The following CRHBP variants were observed in gnomAD, a reference collection of about 807,000 sequenced individuals.
CRHBP encodes corticotropin releasing hormone binding protein, also known as corticotropin-releasing hormone-binding protein.
Under a neutral mutation model 34.9 loss-of-function variants are expected in CRHBP, and 19 were observed. The ratio of observed to expected loss-of-function variants is 0.55; its 90% CI spans 0.38 to 0.80. The LOEUF is 0.80. CRHBP is among the 30% of genes least tolerant of loss of function. CRHBP has a pLI of 0.00. For missense variants in CRHBP, 328 were observed against 409.2 expected (o/e 0.80, Z 1.71); for synonymous variants, 154 against 153.4 (o/e 1.00, Z -0.03).
intron 3 of CRHBP, among the ~76,000 whole-genome samples, chr5:76,978,919 A>G (rs2150712607): frequency 6.6e-6 from 1 of 152,372 alleles, no homozygotes; most frequent in South Asian, 2.1e-4. Flanking sequence ...ATCAAACAGC[A>G]TTGCATGCTA....
At chr5:76,978,722 G>GC (rs1407963990) in intron 3 of CRHBP, among the ~76,000 whole-genome samples, 3 of 152,290 alleles carry the variant, frequency 2.0e-5, no homozygotes, top group African/African-American at 7.2e-5. Flanking sequence ...TTTTGAATGA[G>GC]CAAAGAAAGC....
In CRHBP at chr5:76,954,014, G is replaced by T. The variant is rs768911163; in HGVS notation, c.176-15G>T. 6.2e-7 allele frequency: 1 copy of T among 1,606,748 alleles called. No homozygotes were observed. The highest frequency in any genetic ancestry group is 8.5e-7 in the Non-Finnish European group (1 of 1,176,734). The stretch of plus-strand genomic sequence containing the variant: ...TGCAGCCCGGGACTTATTGCCCCAT[G>T]CCCTCCTCCCCCAGGGTGCCTGGAC... On this transcript the variant is annotated splice_polypyrimidine_tract_variant and intron_variant, in intron 2 of 6. Coordinates refer to ENST00000274368, the MANE Select transcript of CRHBP (RefSeq NM_001882.4).
chr5:76,959,715 A>T (rs1412480212), intron 5 of CRHBP, among the ~76,000 whole-genome samples: 1 of 152,224 alleles, frequency 6.6e-6, no homozygotes, highest in Non-Finnish European at 1.5e-5. Context: ...CCCTAAATTC[A>T]TGGACTAGTG....
Position 76,968,914 on chromosome 5 carries a change from T to A in CRHBP, c.*29T>A. ...ACCAACCCAGTGATTTACATGCTGA[T>A]AGCTAAGTGAGTTTTTAATGGCCAT... is the stretch of plus-strand genomic sequence containing the variant. On this transcript the variant is annotated 3_prime_UTR_variant, in exon 7 of 7. Transcript: ENST00000274368. 6.2e-7 allele frequency: 1 copy of A among 1,601,334 alleles called. No homozygotes were observed. The highest frequency in any genetic ancestry group is 1.7e-5 in the Admixed American group (1 of 58,638).
chr5:76,979,848 A>T (rs1746091340), intron 3 of CRHBP, among the ~76,000 whole-genome samples: 3 of 152,200 alleles, frequency 2.0e-5, no homozygotes, highest in Admixed American at 2.0e-4. Context: ...GTATGCCTGT[A>T]TATTCTTTGC....
intron 6 of CRHBP, among the ~76,000 whole-genome samples, chr5:76,968,360 T>A (rs949491223): frequency 6.6e-6 from 1 of 152,140 alleles, no homozygotes; most frequent in African/African-American, 2.4e-5. Context: ...TCCACTGCAA[T>A]CCCTGAACCC....
Position 76,953,213 on chromosome 5 carries a change from G to A in CRHBP, c.79G>A (p.Glu27Lys). ...TALRGESRYL[E>K]LREAADYDPF... The stretch of plus-strand genomic sequence containing the variant: ...TCTAAGAGGGGAAAGCCGGTACCTA[G>A]AGGTGAGCCACCCCTGGACTGACCC... The change falls in exon 1 of 7, where the codon GAG (glutamate) becomes AAG (lysine). Residue 27 changes from glutamate (E) to lysine (K), a missense_variant and splice_region_variant. Physicochemically the swap from Glu to Lys is moderately conservative, Grantham distance 56. Transcript: ENST00000274368. 1.9e-6 allele frequency: 3 copies of A among 1,614,078 alleles called. No individual in the cohort carries two copies. Among genetic ancestry groups the A allele is most frequent in the Non-Finnish European group, 1.7e-6 (2 of 1,179,940 alleles).
intron 3 of CRHBP, among the ~76,000 whole-genome samples, chr5:76,954,610 G>A (rs918794074): frequency 6.6e-5 from 10 of 152,180 alleles, no homozygotes; most frequent in Non-Finnish European, 1.0e-4. Flanking sequence ...CGCCCCACAC[G>A]TCTCACATCT....
chr5:76,954,094 T>TG lies in CRHBP; in HGVS notation c.242dup (p.Cys81TrpfsTer34), dbSNP rs1561264008. 4 of 1,613,980 alleles carry TG rather than the reference T, an allele frequency of 2.5e-6. No individual in the cohort carries two copies. Among genetic ancestry groups the TG allele is most frequent in the Non-Finnish European group, 3.4e-6 (4 of 1,179,936 alleles). On this transcript the variant is annotated frameshift_variant, in exon 3 of 7. Transcript: ENST00000274368. LOFTEE classifies it high-confidence loss of function. ...CACCGCCGACCGGCCGCAGCTGCACTGCGCAGCCTTCTTCATCAGCGAGCC... is the reference window on the plus strand; with the variant it reads ...CACCGCCGACCGGCCGCAGCTGCACTGGCGCAGCCTTCTTCATCAGCGAGCC...
intron 6 of CRHBP, among the ~76,000 whole-genome samples, chr5:76,967,918 C>G (rs943500183): frequency 1.3e-5 from 2 of 152,050 alleles, no homozygotes; most frequent in Non-Finnish European, 2.9e-5. Context: ...AGGCTGGTCT[C>G]AAACTCCTGA....
chr5:76,956,139 A>T (rs1331692968), intron 4 of CRHBP, among the ~76,000 whole-genome samples: 4 of 152,222 alleles, frequency 2.6e-5, no homozygotes, highest in Non-Finnish European at 5.9e-5. Flanking sequence ...CAGGTTCTAC[A>T]ATGCATTTAG....
downstream of CRHBP, among the ~76,000 whole-genome samples, chr5:76,969,982 C>T (rs776147320): frequency 8.9e-5 from 10 of 112,444 alleles, no homozygotes; most frequent in South Asian, 6.1e-4. Flanking sequence ...AGTCTTGGCT[C>T]TGTCACCTAG....
intron 6 of CRHBP, among the ~76,000 whole-genome samples, chr5:76,967,012 G>T (rs1745869348): frequency 6.6e-6 from 1 of 152,196 alleles, no homozygotes; most frequent in African/African-American, 2.4e-5. Flanking sequence ...GGAGTCTGAA[G>T]CGGGCACATC....
downstream of CRHBP, among the ~76,000 whole-genome samples, chr5:76,971,621 G>T (rs1399480334): frequency 6.6e-6 from 1 of 152,198 alleles, no homozygotes; most frequent in East Asian, 1.9e-4. Context: ...GGTAGATCAT[G>T]TCAGGATTTA....
chr5:76,957,636 G>T (rs7737979), intron 4 of CRHBP, among the ~76,000 whole-genome samples: 2,347 of 151,998 alleles, frequency 0.015, 59 homozygotes, highest in African/African-American at 0.054. Context: ...CACCCGCCTC[G>T]GCCTCCCAAA....
chr5:76,980,303 C>T (rs1431713089), intron 3 of CRHBP, among the ~76,000 whole-genome samples: 2 of 149,644 alleles, frequency 1.3e-5, no homozygotes, highest in Non-Finnish European at 1.5e-5. Flanking sequence ...AGGATTCAGA[C>T]TTCAGTGATC....
At position 76,968,915 on chromosome 5, in the gene CRHBP, A is replaced by T; in HGVS notation, c.*30A>T. 6.2e-7 allele frequency: 1 copy of T among 1,600,108 alleles called. No individual in the cohort carries two copies. On this transcript the variant is annotated 3_prime_UTR_variant, in exon 7 of 7. Transcript: ENST00000274368. ...CCAACCCAGTGATTTACATGCTGAT[A>T]GCTAAGTGAGTTTTTAATGGCCATT...
chr5:76,972,199 T>TA (rs1185162755), downstream of CRHBP, among the ~76,000 whole-genome samples: 156 of 144,596 alleles, frequency 1.1e-3, no homozygotes, highest in East Asian at 5.2e-3. Context: ...TGTGGCTAAT[T>TA]AAAAAAAAAA....
At chr5:76,980,697 G>A (rs950067872) in intron 3 of CRHBP, among the ~76,000 whole-genome samples, 1 of 152,194 alleles carries the variant, frequency 6.6e-6, no homozygotes, top group Non-Finnish European at 1.5e-5. Context: ...ACTTCCGTAA[G>A]TTGGGTGGGC....
Sources: allele counts gnomAD v4.1 joint callset (sites outside exome capture counted in the v4.1 genomes callset), GRCh38; gene constraint gnomAD v4.1.1; transcripts MANE v1.5; gene names NCBI Gene and HGNC (gene_info 2026-07-23, HGNC 2026-07-21).